The following CDK8 variants were observed in gnomAD, a reference collection of about 807,000 sequenced individuals.
CDK8 encodes cyclin-dependent kinase 8.
In CDK8, 29 loss-of-function variants were observed where a neutral mutation model predicts 71.5. The observed-to-expected ratio is 0.41, with a 90% confidence interval of 0.30 to 0.55. The LOEUF is 0.55. CDK8 is among the 20% of genes least tolerant of loss of function. The probability of loss-of-function intolerance (pLI) is 0.37; values close to 1 mark genes in which losing one functional copy is unlikely to be tolerated. For synonymous variants in CDK8, 161 were observed against 192.1 expected, an observed-to-expected ratio of 0.84 and a Z score of 1.34; for missense variants, 288 against 572.6, an observed-to-expected ratio of 0.50 and a Z score of 5.07.
At position 26,254,757 on chromosome 13, in the gene CDK8, A is replaced by G; in HGVS notation, c.116A>G (p.Lys39Arg). 2 of 1,612,232 alleles carry G rather than the reference A, an allele frequency of 1.2e-6. No homozygotes were observed. The highest frequency in any genetic ancestry group is 1.7e-6 in the Non-Finnish European group (2 of 1,179,150). ...ACTTATGGTCACGTCTACAAAGCCA[A>G]GAGGAAAGATGGGTGAGTGTGTGTG... ...RGTYGHVYKA[K>R]RKDGKDDKDY... Residue 39 changes from lysine to arginine, a missense_variant, in exon 1 of 13, where the codon AAG (lysine) becomes AGG (arginine). Physicochemically the swap from Lys to Arg is conservative, Grantham distance 26. Around this residue, in one of 6 missense-constraint regions of CDK8, gnomAD observed 95 missense variants for 177.3 expected, o/e 0.54. Transcript: ENST00000381527. The surrounding 1 kb of genome is among the most constrained non-coding windows in gnomAD (Gnocchi z 6.7).
chr13:26,362,022 A>G (rs1416067154), intron 4 of CDK8, among the ~76,000 whole-genome samples: 3 of 152,086 alleles, frequency 2.0e-5, no homozygotes, highest in Non-Finnish European at 4.4e-5. Flanking sequence ...GACCATAGGA[A>G]TGATTTATAC....
chr13:26,275,540 T>C (rs1207089747), intron 1 of CDK8, among the ~76,000 whole-genome samples: 2 of 152,142 alleles, frequency 1.3e-5, no homozygotes, highest in African/African-American at 4.8e-5. Context: ...TTGTGACATA[T>C]GAAAATTTTT....
intron 1 of CDK8, among the ~76,000 whole-genome samples, chr13:26,314,263 A>G (rs1874411773): frequency 6.6e-6 from 1 of 152,178 alleles, no homozygotes; most frequent in Admixed American, 6.5e-5. Context: ...TTTTGTCTAA[A>G]TTGTCCTACA....
At chr13:26,386,536 C>T (rs1457994803) in intron 6 of CDK8, among the ~76,000 whole-genome samples, 1 of 152,106 alleles carries the variant, frequency 6.6e-6, no homozygotes, top group African/African-American at 2.4e-5. Context: ...CTTCATCCTG[C>T]CTTTTCCCTT....
At chr13:26,375,946 G>C (rs1432871852) in intron 4 of CDK8, among the ~76,000 whole-genome samples, 2 of 152,278 alleles carry the variant, frequency 1.3e-5, no homozygotes, top group East Asian at 3.9e-4. Context: ...TTTTACACTG[G>C]CAATGGGAAC....
At chr13:26,272,260 A>C (rs1872363498) in intron 1 of CDK8, among the ~76,000 whole-genome samples, 1 of 151,998 alleles carries the variant, frequency 6.6e-6, no homozygotes, top group Admixed American at 6.5e-5. Context: ...GGGAGGCTTG[A>C]GATGGGAGGA....
At chr13:26,258,438 G>A (rs1372669271) in intron 1 of CDK8, among the ~76,000 whole-genome samples, 1 of 151,620 alleles carries the variant, frequency 6.6e-6, no homozygotes, top group Non-Finnish European at 1.5e-5. Context: ...TGTTTATGTA[G>A]ATATATGGGT....
At chr13:26,268,054 C>T (rs1047598377) in intron 1 of CDK8, among the ~76,000 whole-genome samples, 4 of 152,114 alleles carry the variant, frequency 2.6e-5, no homozygotes, top group African/African-American at 9.7e-5. Flanking sequence ...CAGGCCTGGG[C>T]CAGACTCTTT....
At chr13:26,348,308 C>T (rs1873544353) in intron 2 of CDK8, among the ~76,000 whole-genome samples, 1 of 152,162 alleles carries the variant, frequency 6.6e-6, no homozygotes, top group South Asian at 2.1e-4. Context: ...CGCAGGGGTC[C>T]CTGCGTCAGC....
In CDK8 at chr13:26,401,684, GT is replaced by G; in HGVS notation, c.1269+61del. The G allele has an allele frequency of 6.6e-7, 1 of 1,521,438 alleles. No individual in the cohort carries two copies. 94.2% of individuals were successfully genotyped at this position (1,521,438 alleles called of 1,614,324 possible). A position where few individuals can be genotyped will look rare whatever the true frequency, so the allele number is the denominator to read the frequency against. ...AGTGTTTACATATGGGTTTATGATC[GT>G]GGGAAAATGTGATTTAATTGAGAAA... On this transcript the variant is annotated intron_variant, in intron 12 of 12. Transcript: ENST00000381527. This position sits in a 1 kb window ranked among gnomAD's most constrained non-coding sequence, Gnocchi z 4.5.
rs374998464 is a variant in CDK8 at position 26,256,265 on chromosome 13, T to C, written c.128+1496T>C. 2.0e-4 allele frequency among the ~76,000 whole-genome samples: 31 copies of C among 152,330 alleles called. No homozygotes were observed. In the East Asian group the frequency reaches 4.8e-3, roughly 24 times the overall value. On this transcript the variant is annotated intron_variant, in intron 1 of 12. Coordinates refer to ENST00000381527, the MANE Select transcript of CDK8 (RefSeq NM_001260.3). Reference sequence around the variant, plus strand: ...CTCTGTTGTTGTCTAATTAGACTTATTGTTGAAGTTTTACTCTGTAATGAC... The same window carrying C: ...CTCTGTTGTTGTCTAATTAGACTTACTGTTGAAGTTTTACTCTGTAATGAC...
chr13:26,261,728 T>C (rs988517707), intron 1 of CDK8, among the ~76,000 whole-genome samples: 1 of 152,236 alleles, frequency 6.6e-6, no homozygotes, highest in Non-Finnish European at 1.5e-5. Context: ...TTGGGTTGTT[T>C]CCACTTTTTG....
At chr13:26,372,769 A>T (rs539289355) in intron 4 of CDK8, among the ~76,000 whole-genome samples, 2 of 152,288 alleles carry the variant, frequency 1.3e-5, no homozygotes, top group African/African-American at 4.8e-5. Context: ...TAGTCATCTC[A>T]TCTGTAAAAT....
At chr13:26,316,483 T>C (rs2137939661) in intron 1 of CDK8, among the ~76,000 whole-genome samples, 1 of 152,292 alleles carries the variant, frequency 6.6e-6, no homozygotes, top group East Asian at 1.9e-4. Flanking sequence ...TTTTAAAAGC[T>C]GCCACCTCTA....
intron 1 of CDK8, among the ~76,000 whole-genome samples, chr13:26,259,979 A>T (rs769852623): frequency 2.6e-5 from 4 of 152,192 alleles, no homozygotes; most frequent in African/African-American, 9.6e-5. Context: ...GAAGTCCCCA[A>T]CTGGTTAAGG....
At chr13:26,291,056 T>C (rs1593242840) in intron 1 of CDK8, among the ~76,000 whole-genome samples, 1 of 150,586 alleles carries the variant, frequency 6.6e-6, no homozygotes, top group South Asian at 2.1e-4. Flanking sequence ...GAGGCAGAGG[T>C]TGCAGTGAGC....
intron 2 of CDK8, among the ~76,000 whole-genome samples, chr13:26,344,284 G>A (rs1166536272): frequency 6.6e-6 from 1 of 151,952 alleles, no homozygotes; most frequent in Admixed American, 6.6e-5. Flanking sequence ...ATTTTCTCTT[G>A]TCCAGTCCAC....
rs147281327 is a variant in CDK8 at position 26,351,737 on chromosome 13, T to C, written c.316-2003T>C. 4.0e-3 allele frequency among the ~76,000 whole-genome samples: 615 copies of C among 152,312 alleles called. 5 individuals carry two copies. Among genetic ancestry groups the C allele is most frequent in the African/African-American group, 0.014 (564 of 41,574 alleles). ...ATTTAAGCCAAATAAATATTTTTAA[T>C]GTTCATTTTCATAAAAAACAAATGA... On this transcript the variant is annotated intron_variant, in intron 3 of 12. Transcript: ENST00000381527.
chr13:26,324,328 G>A (rs1246655770), intron 1 of CDK8, among the ~76,000 whole-genome samples: 3 of 152,104 alleles, frequency 2.0e-5, no homozygotes, highest in Admixed American at 1.3e-4. Flanking sequence ...TTTACAGTTA[G>A]TATTGTTGAC....
Sources: allele counts gnomAD v4.1 joint callset (sites outside exome capture counted in the v4.1 genomes callset), GRCh38; gene constraint gnomAD v4.1.1; regional missense constraint gnomAD v4.1.1; non-coding constraint Gnocchi (gnomAD v3.1); transcripts MANE v1.5; gene names NCBI Gene and HGNC (gene_info 2026-07-23, HGNC 2026-07-21).